Variants in TRPM3 observed in about 807,000 individuals in gnomAD.
TRPM3 encodes the protein transient receptor potential cation channel subfamily M member 3, also known as long transient receptor potential channel 3.
Under a neutral mutation model 181.2 loss-of-function variants are expected in TRPM3, and 77 were observed. That is an observed-to-expected ratio of 0.42 (90% CI 0.35 to 0.51). The LOEUF is 0.51. Among genes scored for constraint, TRPM3 ranks in the 20% least tolerant of loss-of-function variants. TRPM3 has a pLI of 0.01. For synonymous variants in TRPM3, 745 were observed against 796.4 expected (o/e 0.94, Z 1.09); for missense variants, 1,759 against 2,196.7 (o/e 0.80, Z 3.98).
chr9:71,143,580 A>G (rs1190882724), intron 1 of TRPM3, among the ~76,000 whole-genome samples: 1 of 152,108 alleles, frequency 6.6e-6, no homozygotes, highest in African/African-American at 2.4e-5. Flanking sequence ...TTCTTTATCC[A>G]GTCTATCATT....
intron 1 of TRPM3, among the ~76,000 whole-genome samples, chr9:70,962,942 C>G (rs1445337681): frequency 6.6e-6 from 1 of 152,064 alleles, no homozygotes; most frequent in Non-Finnish European, 1.5e-5. Context: ...TTACTGTTAT[C>G]TCTGAAAATC....
intron 1 of TRPM3, among the ~76,000 whole-genome samples, chr9:70,864,817 G>A (rs2095611751): frequency 6.6e-6 from 1 of 152,054 alleles, no homozygotes; most frequent in Admixed American, 6.6e-5. Context: ...GCTATTTGCA[G>A]AGAAAATAAA....
chr9:71,376,783 G>A (rs1309802790), intron 1 of TRPM3, among the ~76,000 whole-genome samples: 1 of 151,934 alleles, frequency 6.6e-6, no homozygotes, highest in Non-Finnish European at 1.5e-5. Flanking sequence ...CTGAAAATTT[G>A]GAAATTTCTG....
chr9:71,355,668 A>T (rs1375598183), intron 1 of TRPM3, among the ~76,000 whole-genome samples: 1 of 152,188 alleles, frequency 6.6e-6, no homozygotes, highest in Non-Finnish European at 1.5e-5. Context: ...ACAAGGTAAA[A>T]GGAAGTACAT....
At chr9:71,069,862 C>A (rs1321915354) in intron 1 of TRPM3, among the ~76,000 whole-genome samples, 2 of 152,094 alleles carry the variant, frequency 1.3e-5, no homozygotes, top group Non-Finnish European at 2.9e-5. Context: ...CCCGCCTCGG[C>A]CTCCCAAAGT....
chr9:70,943,763 TGA>T, intron 1 of TRPM3, among the ~76,000 whole-genome samples: 1 of 152,216 alleles, frequency 6.6e-6, no homozygotes, highest in Non-Finnish European at 1.5e-5. Flanking sequence ...TTAGTCATTA[TGA>T]TTTCTTTCTT....
chr9:71,354,731 T>C (rs2091822912), intron 1 of TRPM3, among the ~76,000 whole-genome samples: 1 of 152,208 alleles, frequency 6.6e-6, no homozygotes, highest in Admixed American at 6.5e-5. Context: ...TTATCCTCTG[T>C]CCTCTGTCAC....
At position 70,629,215 on chromosome 9, in the gene TRPM3, C is replaced by CGGGTGGCG. The variant is rs2065250202; in HGVS notation, c.1633-3699_1633-3698insCGCCACCC. ...GGATAAATGATTCTGTGACCAGTGC[C>CGGGTGGCG]GGGGGGGGGGGGGGCCTGCGTTCTG... On this transcript the variant is annotated intron_variant, in intron 12 of 25. Transcript: ENST00000677713. 2.0e-4 allele frequency among the ~76,000 whole-genome samples: 2 copies of CGGGTGGCG among 10,162 alleles called. 1 individual carries two copies. The highest frequency in any genetic ancestry group is 4.1e-4 in the African/African-American group (2 of 4,876). The allele number at this position is 10,162 out of a possible 152,430, so 6.7% of individuals were successfully genotyped here. A position where few individuals can be genotyped will look rare whatever the true frequency, so the allele number is the denominator to read the frequency against.
chr9:71,253,067 T>C (rs1416956417), intron 1 of TRPM3, among the ~76,000 whole-genome samples: 1 of 152,078 alleles, frequency 6.6e-6, no homozygotes, highest in Non-Finnish European at 1.5e-5. Flanking sequence ...TACAGAACCA[T>C]GGATTTACCT....
intron 1 of TRPM3, among the ~76,000 whole-genome samples, chr9:71,352,423 T>G (rs1435057583): frequency 6.6e-6 from 1 of 152,184 alleles, no homozygotes; most frequent in East Asian, 1.9e-4. Context: ...GAGATGTCAC[T>G]GAGGTTATTG....
At chr9:71,066,853 C>T (rs959576065) in intron 1 of TRPM3, among the ~76,000 whole-genome samples, 10 of 152,168 alleles carry the variant, frequency 6.6e-5, no homozygotes, top group African/African-American at 9.7e-5. Context: ...TATCTAGTCT[C>T]ACTAGTGTCC....
At chr9:71,345,283 A>G (rs1333060508) in intron 1 of TRPM3, among the ~76,000 whole-genome samples, 1 of 152,202 alleles carries the variant, frequency 6.6e-6, no homozygotes, top group Non-Finnish European at 1.5e-5. Flanking sequence ...ACAAAGACAC[A>G]TGCACACGTA....
intron 1 of TRPM3, among the ~76,000 whole-genome samples, chr9:71,320,998 C>G (rs2089173576): frequency 6.6e-6 from 1 of 152,100 alleles, no homozygotes; most frequent in African/African-American, 2.4e-5. Context: ...TCTTTACTCT[C>G]TAAGCACAGT....
chr9:71,070,549 T>C (rs1227350450), intron 1 of TRPM3, among the ~76,000 whole-genome samples: 1 of 152,216 alleles, frequency 6.6e-6, no homozygotes, highest in African/African-American at 2.4e-5. Flanking sequence ...CACAAAATCA[T>C]AACAAGATAT....
chr9:71,233,770 A>G (rs1009849213), intron 1 of TRPM3, among the ~76,000 whole-genome samples: 1 of 152,220 alleles, frequency 6.6e-6, no homozygotes, highest in Non-Finnish European at 1.5e-5. Context: ...CCCAATAGCC[A>G]AAAATTCAGT....
chr9:71,375,737 C>T (rs375287927), intron 1 of TRPM3, among the ~76,000 whole-genome samples: 1 of 152,162 alleles, frequency 6.6e-6, no homozygotes, highest in South Asian at 2.1e-4. Flanking sequence ...TCAGCAACCA[C>T]CATCCTGATC....
intron 8 of TRPM3, among the ~76,000 whole-genome samples, chr9:70,696,266 A>G (rs1243562425): frequency 2.0e-5 from 3 of 152,152 alleles, no homozygotes; most frequent in East Asian, 1.9e-4. Context: ...ACCACTCCCG[A>G]TTAGGTTCAG....
upstream of TRPM3, among the ~76,000 whole-genome samples, chr9:71,122,800 G>A (rs1441152729): frequency 1.3e-5 from 2 of 152,172 alleles, no homozygotes; most frequent in African/African-American, 4.8e-5. Context: ...ACGGGTGGAA[G>A]GCAGACCATT....
chr9:71,191,299 ACT>A (rs1449444814), intron 1 of TRPM3, among the ~76,000 whole-genome samples: 8 of 151,642 alleles, frequency 5.3e-5, no homozygotes, highest in African/African-American at 1.9e-4. Context: ...ATAAAACAAG[ACT>A]CTGTGTCATT....
Sources: allele counts gnomAD v4.1 joint callset (sites outside exome capture counted in the v4.1 genomes callset), GRCh38; gene constraint gnomAD v4.1.1; transcripts MANE v1.5; gene names NCBI Gene and HGNC (gene_info 2026-07-23, HGNC 2026-07-21).